PATJ: variants seen among roughly 807,000 people sequenced by gnomAD.
PATJ encodes PATJ crumbs cell polarity complex component.
A neutral mutation model predicts 224.9 loss-of-function variants in PATJ; 190 were observed. That is an observed-to-expected ratio of 0.84 (90% CI 0.75 to 0.95). The LOEUF is 0.95. PATJ is among the 40% of genes least tolerant of loss of function. PATJ has a pLI of 0.00. For missense variants in PATJ, 2,121 were observed against 2,270.3 expected (o/e 0.93, Z 1.34); for synonymous variants, 769 against 820.3 (o/e 0.94, Z 1.07).
intron 29 of PATJ, among the ~76,000 whole-genome samples, chr1:62,029,310 C>T (rs905925742): frequency 1.3e-5 from 2 of 152,162 alleles, no homozygotes; most frequent in Admixed American, 6.5e-5. Context: ...CTGCCTGTTA[C>T]ATTAGATGTC....
At chr1:62,077,700 A>AAAAG (rs1553259573) in intron 31 of PATJ, among the ~76,000 whole-genome samples, 3 of 151,802 alleles carry the variant, frequency 2.0e-5, no homozygotes, top group African/African-American at 7.3e-5. Flanking sequence ...AAAAAAAAAA[A>AAAAG]AAGAAGATGG....
intron 14 of PATJ, among the ~76,000 whole-genome samples, chr1:61,822,009 C>A (rs113291579): frequency 6.6e-6 from 1 of 152,174 alleles, no homozygotes; most frequent in Non-Finnish European, 1.5e-5. Context: ...AATGGATAAA[C>A]GATTGCCTTT....
At chr1:61,785,057 TA>T (rs1426670071) in intron 7 of PATJ, among the ~76,000 whole-genome samples, 5 of 152,224 alleles carry the variant, frequency 3.3e-5, no homozygotes, top group African/African-American at 1.2e-4. Context: ...TAGGTTCCTG[TA>T]AAATTGGAGA....
Position 61,805,493 on chromosome 1 carries a change from A to G in PATJ, c.1595A>G (p.Glu532Gly). The change falls in exon 13 of 44, where the codon GAA becomes GGA. Residue 532 changes from glutamate (E) to glycine (G), a missense_variant. Coordinates refer to ENST00000642238, the MANE Select transcript of PATJ (RefSeq NM_001350145.3). ...SPENELKSRW[E>G]NLLGPDYEVM... Reference sequence around the variant, plus strand: ...GAAAATGAGCTGAAATCCAGATGGGAAAACCTGTTGGGTCCTGATTATGAA... The same window carrying G: ...GAAAATGAGCTGAAATCCAGATGGGGAAACCTGTTGGGTCCTGATTATGAA... 1 of 1,606,398 alleles carries G rather than the reference A, an allele frequency of 6.2e-7. No homozygotes were observed.
In PATJ at chr1:61,939,108, G is replaced by T. The variant is rs539302030; in HGVS notation, c.3670+11279G>T. On this transcript the variant is annotated intron_variant, in intron 27 of 43. Coordinates refer to ENST00000642238, the MANE Select transcript of PATJ (RefSeq NM_001350145.3). ...ACTGCACTCCAGCCTGGGCGACAGAGCGAGACTCCATCTCAAAAAAAAAAA... is the reference window on the plus strand; with the variant it reads ...ACTGCACTCCAGCCTGGGCGACAGATCGAGACTCCATCTCAAAAAAAAAAA... 2.5e-3 allele frequency among the ~76,000 whole-genome samples: 271 copies of T among 109,694 alleles called. 3 individuals are homozygous for T. Among genetic ancestry groups the T allele is most frequent in the South Asian group, 0.015 (49 of 3,190 alleles). 72.0% of individuals were successfully genotyped at this position (109,694 alleles called of 152,430 possible).
chr1:62,135,976 A>C (rs932326580), intron 41 of PATJ, among the ~76,000 whole-genome samples: 1 of 136,928 alleles, frequency 7.3e-6, no homozygotes, highest in Non-Finnish European at 1.6e-5. Context: ...CCCTTTTCGA[A>C]TTTTACTCCA....
chr1:62,001,172 G>T (rs1036265160), intron 28 of PATJ, among the ~76,000 whole-genome samples: 2 of 150,734 alleles, frequency 1.3e-5, no homozygotes, highest in African/African-American at 4.9e-5. Flanking sequence ...TTCTTTTGCT[G>T]TGCAGAAGCT....
intron 7 of PATJ, among the ~76,000 whole-genome samples, chr1:61,778,472 C>G (rs1289289140): frequency 6.6e-6 from 1 of 151,998 alleles, no homozygotes; most frequent in Non-Finnish European, 1.5e-5. Context: ...TATAAGAAAC[C>G]ACCACTTGCC....
In PATJ at chr1:61,880,543, T is replaced by A. The variant is rs148732512; in HGVS notation, c.2960-3694T>A. Among the ~76,000 whole-genome samples the A allele has an allele frequency of 6.0e-3, 918 of 152,320 alleles. 7 individuals carry two copies. The highest frequency in any genetic ancestry group is 0.021 in the African/African-American group (885 of 41,572). On this transcript the variant is annotated intron_variant, in intron 21 of 43. Coordinates refer to ENST00000642238, the MANE Select transcript of PATJ (RefSeq NM_001350145.3). ...TTTTTTCTTTGTTACATTTTCTAGG[T>A]TAAGCTCTACCAGATATTTTTTAAA...
In PATJ at chr1:62,036,931, G is replaced by GA. The variant is rs1272848795; in HGVS notation, c.3960-1040dup. 8.0e-5 allele frequency among the ~76,000 whole-genome samples: 12 copies of GA among 149,696 alleles called. No homozygotes were observed. In the Admixed American group the frequency reaches 8.0e-4, roughly 10 times the overall value. On this transcript the variant is annotated intron_variant, in intron 29 of 43. Coordinates refer to ENST00000642238, the MANE Select transcript of PATJ (RefSeq NM_001350145.3). ...GGAGGGAGGAAGGGAGGAAGGGAAA[G>GA]AAAAAAGAGAAAGAAAGGCATTTCA...
At chr1:61,758,925 A>G (rs1645804357) in intron 1 of PATJ, among the ~76,000 whole-genome samples, 1 of 152,202 alleles carries the variant, frequency 6.6e-6, no homozygotes, top group Admixed American at 6.5e-5. Context: ...TAGTTACACA[A>G]ATAGAAAATG....
Position 62,158,444 on chromosome 1 carries a change from T to G in PATJ, c.5503-2464T>G, listed in dbSNP as rs923395083. Among the ~76,000 whole-genome samples the G allele has an allele frequency of 4.8e-5, 7 of 146,948 alleles. 2 individuals are homozygous for G. The highest frequency in any genetic ancestry group is 2.3e-4 in the South Asian group (1 of 4,328). ...GGTCAAGAGTTCGAGACCAGGCCGG[T>G]CACGGTGGCTCACACCTGTAATCCC... On this transcript the variant is annotated intron_variant, in intron 43 of 43. Transcript: ENST00000642238.
intron 31 of PATJ, among the ~76,000 whole-genome samples, chr1:62,070,797 T>C (rs6681153): frequency 0.35 from 53,504 of 151,958 alleles, 10,018 homozygotes; most frequent in Non-Finnish European, 0.43. Flanking sequence ...AGTTAGAAAG[T>C]AGGCAGCTAA....
chr1:61,974,387 ATC>A (rs1553227611), intron 27 of PATJ, among the ~76,000 whole-genome samples: 20 of 128,038 alleles, frequency 1.6e-4, no homozygotes, highest in South Asian at 5.0e-4. Flanking sequence ...AGATACCCCC[ATC>A]TCTCTCTCTC....
At chr1:62,024,521 A>G (rs903358106) in intron 29 of PATJ, among the ~76,000 whole-genome samples, 3 of 152,032 alleles carry the variant, frequency 2.0e-5, no homozygotes, top group African/African-American at 2.4e-5. Context: ...CTCTTTTGGC[A>G]CTCAGAAACA....
intron 31 of PATJ, among the ~76,000 whole-genome samples, chr1:62,064,692 G>T (rs1656110496): frequency 6.6e-6 from 1 of 152,162 alleles, no homozygotes. Flanking sequence ...TGTTTCTAAT[G>T]ATTATGGGCT....
chr1:61,762,228 A>G (rs1166190851), intron 1 of PATJ, among the ~76,000 whole-genome samples: 2 of 152,126 alleles, frequency 1.3e-5, no homozygotes, highest in Non-Finnish European at 2.9e-5. Context: ...ATAATTGTAG[A>G]TTAGTTTTGT....
intron 17 of PATJ, among the ~76,000 whole-genome samples, chr1:61,834,351 G>A (rs1182363692): frequency 6.6e-6 from 1 of 152,036 alleles, no homozygotes; most frequent in Non-Finnish European, 1.5e-5. Context: ...GTTATATATT[G>A]CATTTATGTT....
In PATJ at chr1:62,124,155, T is replaced by TC. The variant is rs746534081; in HGVS notation, c.5043+1098dup. The stretch of plus-strand genomic sequence containing the variant: ...TGGAATGCAGTGGTGCAATCTCAAC[T>TC]CACTGCAACCTCCACCTCCTGGGTT... On this transcript the variant is annotated intron_variant, in intron 39 of 43. Transcript: ENST00000642238. Among the ~76,000 whole-genome samples the TC allele has an allele frequency of 2.4e-4, 37 of 152,210 alleles. No individual in the cohort carries two copies. In the South Asian group the frequency reaches 3.1e-3, roughly 13 times the overall value.
Sources: gnomAD v4.1 joint callset for allele counts (sites outside exome capture counted in the v4.1 genomes callset) on GRCh38, gnomAD v4.1.1 for gene constraint, MANE v1.5 for transcripts, NCBI Gene and HGNC (gene_info 2026-07-23, HGNC 2026-07-21) for gene names.